NEBL: variants seen among roughly 807,000 people sequenced by gnomAD.
The protein encoded by NEBL is nebulette, also known as LIM and SH3 protein 2.
NEBL carries 122 observed loss-of-function variants against 140.2 expected under a neutral mutation model. The observed-to-expected ratio is 0.87, with a 90% CI of 0.75 to 1.01. The LOEUF (loss-of-function observed/expected upper bound fraction) is 1.01. Among genes scored for constraint, NEBL ranks in the 50% least tolerant of loss-of-function variants. NEBL has a pLI of 0.00. For missense variants in NEBL, 1,365 were observed against 1,231.3 expected (o/e 1.11, Z -1.62); for synonymous variants, 436 against 398.9 (o/e 1.09, Z -1.11).
At chr10:20,795,930 C>G (rs1489842445) in intron 26 of NEBL, among the ~76,000 whole-genome samples, 1 of 152,136 alleles carries the variant, frequency 6.6e-6, no homozygotes, top group Non-Finnish European at 1.5e-5. Flanking sequence ...TTATAATATT[C>G]CTTAAATATT....
intron 1 of NEBL, among the ~76,000 whole-genome samples, chr10:21,258,337 G>C (rs547495752): frequency 1.3e-5 from 2 of 152,342 alleles, no homozygotes; most frequent in South Asian, 4.1e-4. Context: ...GAGAGGCCAA[G>C]GCAGGTGGAT....
chr10:21,073,617 CAA>C (rs10594967), intron 2 of NEBL, among the ~76,000 whole-genome samples: 12,475 of 76,164 alleles, frequency 0.16, 685 homozygotes, highest in East Asian at 0.32. Flanking sequence ...ACTCTGTCGT[CAA>C]AAAAAAAAAA....
intron 2 of NEBL, among the ~76,000 whole-genome samples, chr10:21,078,566 C>T (rs1836211399): frequency 6.6e-6 from 1 of 152,100 alleles, no homozygotes. Context: ...CAGCCCCCAT[C>T]CCTCAGTTTT....
At chr10:21,262,411 G>A (rs1406979593) in intron 1 of NEBL, among the ~76,000 whole-genome samples, 3 of 152,228 alleles carry the variant, frequency 2.0e-5, no homozygotes, top group Non-Finnish European at 4.4e-5. Context: ...GACCCAAGCT[G>A]CGTGAATCTG....
chr10:21,055,497 A>T (rs1408961527), intron 2 of NEBL, among the ~76,000 whole-genome samples: 1 of 151,916 alleles, frequency 6.6e-6, no homozygotes, highest in Non-Finnish European at 1.5e-5. Flanking sequence ...ATAAATGAAA[A>T]CCCACCCACC....
intron 2 of NEBL, among the ~76,000 whole-genome samples, chr10:21,096,503 G>GTGTT (rs1197868526): frequency 6.7e-6 from 1 of 148,556 alleles, no homozygotes; most frequent in Non-Finnish European, 1.5e-5. Flanking sequence ...GTGTGTGTGT[G>GTGTT]TGTGTGTGTG....
At chr10:20,788,961 C>T (rs2131627002) in intron 26 of NEBL, among the ~76,000 whole-genome samples, 1 of 152,284 alleles carries the variant, frequency 6.6e-6, no homozygotes, top group South Asian at 2.1e-4. Flanking sequence ...ACAGAGCATA[C>T]TGCATTTCCT....
chr10:21,125,416 G>A (rs549586145), intron 2 of NEBL, among the ~76,000 whole-genome samples: 3 of 152,290 alleles, frequency 2.0e-5, no homozygotes, highest in African/African-American at 7.2e-5. Flanking sequence ...TGGGGGTTGG[G>A]GAGAAGAAAT....
At chr10:21,141,057 C>T (rs1487723287) in intron 2 of NEBL, among the ~76,000 whole-genome samples, 15 of 97,304 alleles carry the variant, frequency 1.5e-4, no homozygotes, top group East Asian at 8.7e-4. Flanking sequence ...AAGAGGTATT[C>T]GACAAAAAAA....
At chr10:20,970,335 G>A (rs373074959) in intron 3 of NEBL, among the ~76,000 whole-genome samples, 2 of 152,060 alleles carry the variant, frequency 1.3e-5, no homozygotes, top group African/African-American at 4.8e-5. Flanking sequence ...GTCCTTTTTG[G>A]ATCAAAAAAA....
Position 20,788,290 on chromosome 10 carries a change from C to T in NEBL, c.2762-982G>A, listed in dbSNP as rs138887907. Among the ~76,000 whole-genome samples, 79 of 152,146 alleles carry T rather than the reference C, an allele frequency of 5.2e-4. 2 individuals are homozygous for T. The East Asian group carries it at 0.014, about 28-fold the overall frequency. On this transcript the variant is annotated intron_variant, in intron 26 of 27. Coordinates refer to ENST00000377122, the MANE Select transcript of NEBL (RefSeq NM_006393.3). ...GTGCTACATTAGTAAAACTTATAGTCATATGTGCTATAAAATATATAATAG... is the reference window on the plus strand; with the variant it reads ...GTGCTACATTAGTAAAACTTATAGTTATATGTGCTATAAAATATATAATAG...
At chr10:20,789,877 A>T (rs1222612957) in intron 26 of NEBL, among the ~76,000 whole-genome samples, 2 of 147,458 alleles carry the variant, frequency 1.4e-5, no homozygotes, top group African/African-American at 5.1e-5. Flanking sequence ...ACATACACAT[A>T]CACACACACA....
chr10:20,823,187 A>C, intron 19 of NEBL, 21 bp downstream of exon 19: 1 of 1,565,894 alleles, frequency 6.4e-7, no homozygotes, highest in South Asian at 1.1e-5. Context: ...TTTTTAAAAA[A>C]TACTTAAGAA....
At chr10:21,015,702 G>C (rs1260365562) in intron 3 of NEBL, among the ~76,000 whole-genome samples, 2 of 152,102 alleles carry the variant, frequency 1.3e-5, no homozygotes, top group Non-Finnish European at 2.9e-5. Flanking sequence ...TGTAGAAACA[G>C]GAGTCTCCCT....
chr10:20,937,428 G>A (rs143076739), intron 4 of NEBL, among the ~76,000 whole-genome samples: 1,585 of 152,262 alleles, frequency 0.01, 20 homozygotes, highest in African/African-American at 0.028. Flanking sequence ...AGCTGAAACA[G>A]GTCACTTCAA....
chr10:21,030,399 C>G, intron 2 of NEBL: 1 of 617,190 alleles, frequency 1.6e-6, no homozygotes, highest in Non-Finnish European at 3.0e-6. Flanking sequence ...ACTGAAAAGT[C>G]TCTAGAAAAT....
chr10:21,151,417 C>T (rs373873697), intron 2 of NEBL, among the ~76,000 whole-genome samples: 12 of 152,294 alleles, frequency 7.9e-5, no homozygotes, highest in African/African-American at 2.9e-4. Context: ...GATATCATTA[C>T]AGTAAATATG....
intron 2 of NEBL, among the ~76,000 whole-genome samples, chr10:21,152,688 T>C (rs1339290483): frequency 6.6e-6 from 1 of 152,120 alleles, no homozygotes; most frequent in Non-Finnish European, 1.5e-5. Flanking sequence ...CAAGTAATAT[T>C]ATACTTGGTT....
intron 7 of NEBL, among the ~76,000 whole-genome samples, chr10:20,860,423 T>C (rs1461784042): frequency 1.3e-5 from 2 of 151,988 alleles, no homozygotes; most frequent in African/African-American, 4.8e-5. Context: ...TCTAAATTGT[T>C]TGTCTCCTTT....
Sources: gnomAD v4.1 joint callset for allele counts (sites outside exome capture counted in the v4.1 genomes callset) on GRCh38, gnomAD v4.1.1 for gene constraint, MANE v1.5 for transcripts, NCBI Gene and HGNC (gene_info 2026-07-23, HGNC 2026-07-21) for gene names.